The following TXNDC11 variants were observed in gnomAD, a reference collection of about 807,000 sequenced individuals.
The protein encoded by TXNDC11 is thioredoxin domain containing 11.
TXNDC11 carries 68 observed loss-of-function variants against 78.0 expected under a neutral mutation model. That is an observed-to-expected ratio of 0.87 (90% CI 0.72 to 1.07). The LOEUF (loss-of-function observed/expected upper bound fraction) is 1.07, where lower values mean the gene tolerates loss of function less well. Among genes scored for constraint, TXNDC11 ranks in the 50% least tolerant of loss-of-function variants. The probability of loss-of-function intolerance (pLI) is 0.00; values close to 1 mark genes in which losing one functional copy is unlikely to be tolerated. For synonymous variants in TXNDC11, 571 were observed against 495.2 expected, an observed-to-expected ratio of 1.15 and a Z score of -2.03; for missense variants, 1,389 against 1,221.8, an observed-to-expected ratio of 1.14 and a Z score of -2.04.
chr16:11,710,792 G>A (rs548653916), intron 5 of TXNDC11, among the ~76,000 whole-genome samples: 1 of 152,282 alleles, frequency 6.6e-6, no homozygotes, highest in Non-Finnish European at 1.5e-5. Flanking sequence ...TCTAGCTTGG[G>A]CAACAGAGTG....
intron 5 of TXNDC11, among the ~76,000 whole-genome samples, chr16:11,711,128 C>T (rs2051340073): frequency 6.6e-6 from 1 of 152,064 alleles, no homozygotes; most frequent in African/African-American, 2.4e-5. Context: ...AAAAACATTA[C>T]ATTTAAAGCA....
At chr16:11,686,050 C>T (rs973798760) in intron 10 of TXNDC11, among the ~76,000 whole-genome samples, 1 of 152,118 alleles carries the variant, frequency 6.6e-6, no homozygotes, top group South Asian at 2.1e-4. Context: ...CCTCCGGCTG[C>T]TGGATTCAAG....
chr16:11,709,260 T>C (rs1416173178), intron 5 of TXNDC11, among the ~76,000 whole-genome samples: 1 of 49,386 alleles, frequency 2.0e-5, no homozygotes, highest in East Asian at 4.2e-4. Context: ...GCTGTGATTC[T>C]TTTTTTTTTG....
chr16:11,718,198 T>G (rs1406304079), intron 5 of TXNDC11, among the ~76,000 whole-genome samples: 2 of 152,204 alleles, frequency 1.3e-5, no homozygotes, highest in Non-Finnish European at 2.9e-5. Flanking sequence ...AAATTATTTA[T>G]GCACTGATGA....
At chr16:11,698,530 G>C (rs1298184578) in intron 6 of TXNDC11, among the ~76,000 whole-genome samples, 1 of 152,246 alleles carries the variant, frequency 6.6e-6, no homozygotes, top group Non-Finnish European at 1.5e-5. Flanking sequence ...GTGGTTGCAG[G>C]AGGTGACTTC....
At chr16:11,691,259 A>G in intron 8 of TXNDC11, 31 bp downstream of exon 8, 1 of 1,561,676 alleles carries the variant, frequency 6.4e-7, no homozygotes. Context: ...CAAAATGTAC[A>G]ATGCTTGGGG....
chr16:11,732,059 T>C (rs967326588), intron 3 of TXNDC11, among the ~76,000 whole-genome samples: 1 of 152,154 alleles, frequency 6.6e-6, no homozygotes, highest in African/African-American at 2.4e-5. Context: ...TCTAGTGACT[T>C]GTAAAAGCTA....
intron 6 of TXNDC11, among the ~76,000 whole-genome samples, chr16:11,698,966 T>C (rs962832751): frequency 6.6e-6 from 1 of 152,242 alleles, no homozygotes; most frequent in South Asian, 2.1e-4. Flanking sequence ...TTGCTTTGTT[T>C]TGCTATAAAC....
rs151223336 is a variant in TXNDC11 at position 11,735,841 on chromosome 16, T to C, written c.471+176A>G. Among the ~76,000 whole-genome samples, 313 of 152,294 alleles carry C rather than the reference T, an allele frequency of 2.1e-3. 2 individuals carry two copies. Among genetic ancestry groups the C allele is most frequent in the African/African-American group, 7.1e-3 (294 of 41,572 alleles). The stretch of plus-strand genomic sequence containing the variant: ...CTCCCACACTTGCCTTGGAGTACAA[T>C]CGCCACAATTGGAAATCCTTTCTGT... On this transcript the variant is annotated intron_variant, in intron 2 of 11. Transcript: ENST00000283033.
chr16:11,707,345 G>A (rs2051211976), intron 5 of TXNDC11, among the ~76,000 whole-genome samples: 3 of 150,612 alleles, frequency 2.0e-5, no homozygotes, highest in Middle Eastern at 3.4e-3. Flanking sequence ...CTTAAATGTG[G>A]GAGGTGAAAA....
chr16:11,679,173 T>C lies in TXNDC11; in HGVS notation c.*22A>G, dbSNP rs1271454964. On this transcript the variant is annotated 3_prime_UTR_variant, in exon 12 of 12. Coordinates refer to ENST00000283033, the MANE Select transcript of TXNDC11 (RefSeq NM_015914.7). This position sits in a 1 kb window ranked among gnomAD's most constrained non-coding sequence, Gnocchi z 4.6. ...CCCAATGTACAATTTTCACCTCTGA[T>C]TTCTTCATATCATTTAAAAAGTTAG... The C allele has an allele frequency of 6.2e-7, 1 of 1,606,888 alleles. No individual in the cohort carries two copies. The highest frequency in any genetic ancestry group is 1.3e-5 in the African/African-American group (1 of 74,610).
intron 5 of TXNDC11, among the ~76,000 whole-genome samples, chr16:11,711,330 GCAGACACA>G (rs1555486740): frequency 6.6e-6 from 1 of 152,142 alleles, no homozygotes; most frequent in Non-Finnish European, 1.5e-5. Flanking sequence ...ACAAATAATG[GCAGACACA>G]CAGATGTATT....
At chr16:11,717,545 G>T (rs1317741190) in intron 5 of TXNDC11, among the ~76,000 whole-genome samples, 1 of 151,906 alleles carries the variant, frequency 6.6e-6, no homozygotes, top group East Asian at 1.9e-4. Context: ...ACACAGGCTG[G>T]GCGCAGTGGC....
At chr16:11,705,924 C>G (rs2051168230) in intron 5 of TXNDC11, among the ~76,000 whole-genome samples, 1 of 152,180 alleles carries the variant, frequency 6.6e-6, no homozygotes, top group South Asian at 2.1e-4. Context: ...ATAAGCAGAG[C>G]TCCAGGGCTT....
At chr16:11,712,768 C>T (rs2051399581) in intron 5 of TXNDC11, among the ~76,000 whole-genome samples, 2 of 151,786 alleles carry the variant, frequency 1.3e-5, no homozygotes, top group Admixed American at 6.6e-5. Flanking sequence ...GCCAGGGTAA[C>T]GTGGTGAAAC....
rs556299544 is a variant in TXNDC11 at position 11,698,127 on chromosome 16, C to G, written c.1105G>C (p.Glu369Gln). ...PLAESHPLID[E>Q]ITEVALEYNN... ...GCTTTTCACATCACAGCTCTTACCT[C>G]GTCTATTAAAGGATGACTTTCGGCC... The change falls in exon 7 of 12, where the codon GAG (glutamate) becomes CAG (glutamine). Residue 369 changes from glutamate to glutamine, a missense_variant and splice_region_variant. By Grantham distance (29) the Glu-to-Gln change is conservative. Transcript: ENST00000283033. The G allele has an allele frequency of 6.8e-4, 1,099 of 1,614,182 alleles. 19 individuals carry two copies. The South Asian group carries it at 0.011, about 17-fold the overall frequency.
At chr16:11,698,026 T>C in intron 7 of TXNDC11, 99 bp downstream of exon 7, 5 of 1,136,978 alleles carry the variant, frequency 4.4e-6, no homozygotes, top group Non-Finnish European at 5.2e-6. Flanking sequence ...GTGGCAGCCA[T>C]TAGCTGCCAG....
At chr16:11,728,277 G>A (rs2051944018) in intron 4 of TXNDC11, among the ~76,000 whole-genome samples, 1 of 152,152 alleles carries the variant, frequency 6.6e-6, no homozygotes. Flanking sequence ...CAAGACAAAT[G>A]GTTTCACAAG....
In TXNDC11 at chr16:11,736,160, G is replaced by C; in HGVS notation, c.328C>G (p.Leu110Val). Residue 110 changes from leucine (L) to valine (V), a missense_variant, in exon 2 of 12, where the codon CTC becomes GTC. Leu to Val is a conservative substitution (Grantham distance 32, BLOSUM62 1). Coordinates refer to ENST00000283033, the MANE Select transcript of TXNDC11 (RefSeq NM_015914.7). ...FFSLRSPVLD[L>V]FQGQLDYAEY... The stretch of plus-strand genomic sequence containing the variant: ...GCATAATCCAGCTGCCCCTGGAAGA[G>C]GTCAAGGACTGGAGACCTCAAGGAG... The C allele has an allele frequency of 6.2e-7, 1 of 1,614,180 alleles. No homozygotes were observed. The highest frequency in any genetic ancestry group is 8.5e-7 in the Non-Finnish European group (1 of 1,180,026).
Sources: allele counts gnomAD v4.1 joint callset (sites outside exome capture counted in the v4.1 genomes callset), GRCh38; gene constraint gnomAD v4.1.1; non-coding constraint Gnocchi (gnomAD v3.1); transcripts MANE v1.5; gene names NCBI Gene and HGNC (gene_info 2026-07-23, HGNC 2026-07-21).